Variants in RASL12 observed in about 807,000 individuals in gnomAD.
RASL12 encodes the protein RAS like family 12.
A neutral mutation model predicts 22.9 loss-of-function variants in RASL12; 16 were observed. The observed-to-expected ratio is 0.70, with a 90% CI of 0.47 to 1.06. RASL12 has a LOEUF of 1.06. Among genes scored for constraint, RASL12 ranks in the 50% least tolerant of loss-of-function variants. RASL12 has a pLI of 0.00. For synonymous variants in RASL12, 159 were observed against 152.2 expected (o/e 1.04, Z -0.33); for missense variants, 306 against 353.1 (o/e 0.87, Z 1.07).
intron 1 of RASL12, among the ~76,000 whole-genome samples, chr15:65,066,070 GAA>G (rs1246494169): frequency 6.8e-6 from 1 of 146,902 alleles, no homozygotes; most frequent in Non-Finnish European, 1.5e-5. Context: ...GAAGAGTAGA[GAA>G]GAGAGAGAAT....
chr15:65,053,403 T>G lies in RASL12; in HGVS notation c.*1496A>C, dbSNP rs2086683179. 1.5e-6 allele frequency: 2 copies of G among 1,336,204 alleles called. No individual in the cohort carries two copies. Among genetic ancestry groups the G allele is most frequent in the Non-Finnish European group, 9.6e-7 (1 of 1,044,512 alleles). The allele number at this position is 1,336,204 out of a possible 1,614,324, so 82.8% of individuals were successfully genotyped here. On this transcript the variant is annotated 3_prime_UTR_variant, in exon 5 of 5. Coordinates refer to ENST00000220062, the MANE Select transcript of RASL12 (RefSeq NM_016563.4). ...AGGGAGCAGGTGGTATTGCATAGTT[T>G]GTTCAGATGGCAGTGGTACACACAC...
chr15:65,053,630 G>A lies in RASL12; in HGVS notation c.*1269C>T. On this transcript the variant is annotated 3_prime_UTR_variant, in exon 5 of 5. Coordinates refer to ENST00000220062, the MANE Select transcript of RASL12 (RefSeq NM_016563.4). ...CCAACAGTAGTCCTGAGACGGCTGAGAGGGGAAGGAGCAGGCTTCCAGGCC... is the reference window on the plus strand; with the variant it reads ...CCAACAGTAGTCCTGAGACGGCTGAAAGGGGAAGGAGCAGGCTTCCAGGCC... 3 of 990,164 alleles carry A rather than the reference G, an allele frequency of 3.0e-6. No individual in the cohort carries two copies. Among genetic ancestry groups the A allele is most frequent in the Non-Finnish European group, 3.6e-6 (3 of 832,952 alleles). 61.3% of individuals were successfully genotyped at this position (990,164 alleles called of 1,614,324 possible).
At position 65,055,109 on chromosome 15, in the gene RASL12, G is replaced by A. The variant is rs561448596; in HGVS notation, c.591C>T (p.Phe197=). ...GGGGCAGGGCCCTCTCCTCGGAGAT[G>A]AAGAGGGGCCGGGTCAGGGGGCTCT... is the stretch of plus-strand genomic sequence containing the variant. ...LEKSPLTRPL[F]ISEERALPHQ... Residue 197 remains phenylalanine, a synonymous_variant, in exon 5 of 5, where the codon TTC becomes TTT. Transcript: ENST00000220062. 28 of 1,611,252 alleles carry A rather than the reference G, an allele frequency of 1.7e-5. 1 individual carries two copies. In the South Asian group the frequency reaches 2.8e-4, roughly 16 times the overall value.
At chr15:65,059,471 G>T in intron 2 of RASL12, 53 bp from the exon 3 acceptor site, 2 of 1,433,628 alleles carry the variant, frequency 1.4e-6, no homozygotes, top group African/African-American at 2.8e-5. Flanking sequence ...GTGTAAGTTT[G>T]AGCTTCCCTC....
Position 65,059,427 on chromosome 15 carries a change from C to G in RASL12, c.161-9G>C. On this transcript the variant is annotated splice_polypyrimidine_tract_variant and intron_variant, in intron 2 of 4. Transcript: ENST00000220062. ...GGAGCTGTAGGTGTCCTCTACAACA[C>G]AGATGGTTAGCCAGGTCAGACACAG... is the stretch of plus-strand genomic sequence containing the variant. 1 of 1,612,500 alleles carries G rather than the reference C, an allele frequency of 6.2e-7. No individual in the cohort carries two copies.
chr15:65,054,999 G>T lies in RASL12; in HGVS notation c.701C>A (p.Thr234Asn). 6.2e-7 allele frequency: 1 copy of T among 1,614,186 alleles called. No individual in the cohort carries two copies. The highest frequency in any genetic ancestry group is 8.5e-7 in the Non-Finnish European group (1 of 1,180,020). Residue 234 changes from threonine (T) to asparagine (N), a missense_variant, in exon 5 of 5, where the codon ACT (threonine) becomes AAT (asparagine). Physicochemically the swap from Thr to Asn is moderately conservative, Grantham distance 65. Transcript: ENST00000220062. ...GGTGACCAGCTTGGCCTGGGCCACA[G>T]TGGGCATCTCCTTCAGGTTGATGGT... is the stretch of plus-strand genomic sequence containing the variant. ...LSTINLKEMP[T>N]VAQAKLVTVK...
chr15:65,059,793 C>G (rs1566954495), intron 2 of RASL12, among the ~76,000 whole-genome samples: 1 of 152,198 alleles, frequency 6.6e-6, no homozygotes, highest in African/African-American at 2.4e-5. Context: ...CCCAGGCTTT[C>G]CCACTCTCTT....
chr15:65,072,167 C>A (rs2086936533), upstream of RASL12, among the ~76,000 whole-genome samples: 1 of 152,128 alleles, frequency 6.6e-6, no homozygotes, highest in Admixed American at 6.5e-5. Context: ...AAGAAACTGG[C>A]AGAGGGCCTG....
chr15:65,054,469 G>A lies in RASL12; in HGVS notation c.*430C>T, dbSNP rs2086699101. 5.0e-6 allele frequency: 5 copies of A among 995,160 alleles called. No homozygotes were observed. The highest frequency in any genetic ancestry group is 4.8e-6 in the Non-Finnish European group (4 of 836,392). The allele number at this position is 995,160 out of a possible 1,614,324, so 61.6% of individuals were successfully genotyped here. A position where few individuals can be genotyped will look rare whatever the true frequency, so the allele number is the denominator to read the frequency against. ...CTTTCCCGTCCACCAGGTGGCACAA[G>A]GACCCCAGGCTGTCATTCCGCAGGC... On this transcript the variant is annotated 3_prime_UTR_variant, in exon 5 of 5. Transcript: ENST00000220062.
chr15:65,052,854 C>T (rs1278492600), downstream of RASL12: 5 of 917,840 alleles, frequency 5.4e-6, no homozygotes, highest in African/African-American at 1.7e-5. Context: ...CCTCTAGTAG[C>T]TCCCAAACTG....
intron 2 of RASL12, among the ~76,000 whole-genome samples, chr15:65,063,038 C>T (rs2086830814): frequency 6.6e-6 from 1 of 152,138 alleles, no homozygotes; most frequent in Middle Eastern, 3.2e-3. Context: ...CCCACGCATT[C>T]CACTACCAGG....
rs140278799 is a variant in RASL12, at chr15:65,054,521, C to T, written c.*378G>A. 6 of 1,022,886 alleles carry T rather than the reference C, an allele frequency of 5.9e-6. No individual in the cohort carries two copies. Among genetic ancestry groups the T allele is most frequent in the Non-Finnish European group, 7.0e-6 (6 of 853,650 alleles). The allele number at this position is 1,022,886 out of a possible 1,614,324, so 63.4% of individuals were successfully genotyped here. A position where few individuals can be genotyped will look rare whatever the true frequency, so the allele number is the denominator to read the frequency against. On this transcript the variant is annotated 3_prime_UTR_variant, in exon 5 of 5. Transcript: ENST00000220062. ...GTTCTCGGGCCTGACATTGACAGAG[C>T]CATCCACCCAGACCATCCACTAAGG...
downstream of RASL12, among the ~76,000 whole-genome samples, chr15:65,052,426 A>G (rs2086665326): frequency 7.9e-6 from 1 of 126,112 alleles, no homozygotes; most frequent in Admixed American, 8.8e-5. Context: ...TTTTTTTGAG[A>G]CAGTCTCTCT....
At chr15:65,051,543 C>T (rs1231812983), downstream of RASL12, 3 of 1,613,760 alleles carry the variant, frequency 1.9e-6, no homozygotes, top group South Asian at 3.3e-5. Context: ...CCATCCTTGC[C>T]CTGGCAGCTG....
intron 2 of RASL12, among the ~76,000 whole-genome samples, chr15:65,060,094 T>C (rs1233668586): frequency 1.1e-4 from 16 of 152,174 alleles, no homozygotes; most frequent in Admixed American, 9.8e-4. Flanking sequence ...TGTGATAACA[T>C]TGCTAACAGT....
Position 65,058,526 on chromosome 15 carries a change from C to A in RASL12, c.326G>T (p.Ser109Ile). ...SVDSRQSFDS[S>I]SSYLELLALH... ...GGCAAGCAGCTCCAGGTAGCTGCTG[C>A]TGCTATCAAAGCTCTGGCGGCTGTC... The change falls in exon 4 of 5, where the codon AGC (serine) becomes ATC (isoleucine). Residue 109 changes from serine to isoleucine, a missense_variant. Ser to Ile is a moderately radical substitution (Grantham distance 142, BLOSUM62 -2). Transcript: ENST00000220062. 1 of 1,611,858 alleles carries A rather than the reference C, an allele frequency of 6.2e-7. No individual in the cohort carries two copies. Among genetic ancestry groups the A allele is most frequent in the Non-Finnish European group, 8.5e-7 (1 of 1,178,550 alleles).
At chr15:65,048,826 T>C (rs1308169208), downstream of RASL12, among the ~76,000 whole-genome samples, 2 of 152,082 alleles carry the variant, frequency 1.3e-5, no homozygotes, top group Admixed American at 6.6e-5. Flanking sequence ...CTGGCCAACA[T>C]GGTGAAACCC....
At chr15:65,050,549 G>A (rs1374348075), downstream of RASL12, among the ~76,000 whole-genome samples, 1 of 152,208 alleles carries the variant, frequency 6.6e-6, no homozygotes, top group African/African-American at 2.4e-5. Context: ...GGTCAAGGAA[G>A]GCCTCACTAA....
intron 2 of RASL12, 39 bp from the exon 3 acceptor site, chr15:65,059,457 T>C (rs1566954406): frequency 6.5e-7 from 1 of 1,541,220 alleles, no homozygotes; most frequent in East Asian, 2.2e-5. Flanking sequence ...ACACAGTGCC[T>C]TGGGTGTAAG....
Sources: allele counts gnomAD v4.1 joint callset (sites outside exome capture counted in the v4.1 genomes callset), GRCh38; gene constraint gnomAD v4.1.1; transcripts MANE v1.5; gene names NCBI Gene and HGNC (gene_info 2026-07-23, HGNC 2026-07-21).